HVCN1: variants seen among roughly 807,000 people sequenced by gnomAD.
HVCN1 encodes hydrogen voltage gated channel 1.
A neutral mutation model predicts 29.2 loss-of-function variants in HVCN1; 14 were observed. That is an observed-to-expected ratio of 0.48 (90% CI 0.32 to 0.75). The LOEUF is 0.75. Ranked by LOEUF, HVCN1 falls within the 30% of genes least tolerant of loss-of-function variation. HVCN1 has a pLI of 0.04. For missense variants in HVCN1, 263 were observed against 341.8 expected, an observed-to-expected ratio of 0.77 and a Z score of 1.82; for synonymous variants, 131 against 133.2, an observed-to-expected ratio of 0.98 and a Z score of 0.11.
In HVCN1 at chr12:110,676,507, A is replaced by G. The variant is rs1221991154; in HGVS notation, c.21+6718T>C. 6.6e-6 allele frequency among the ~76,000 whole-genome samples: 1 copy of G among 152,146 alleles called. No homozygotes were observed. Among genetic ancestry groups the G allele is most frequent in the African/African-American group, 2.4e-5 (1 of 41,426 alleles). Reference sequence around the variant, plus strand: ...TGCCTAGACTGCTTGTGGAAACAGCATGGTTTATGCTGAACTCCTACTTTC... The same window carrying G: ...TGCCTAGACTGCTTGTGGAAACAGCGTGGTTTATGCTGAACTCCTACTTTC... On this transcript the variant is annotated intron_variant, in intron 3 of 7. Transcript: ENST00000242607. The surrounding 1 kb of genome is among the most constrained non-coding windows in gnomAD (Gnocchi z 4.1).
At chr12:110,683,033 T>C in intron 3 of HVCN1, 192 bp downstream of exon 3, 1 of 698,754 alleles carries the variant, frequency 1.4e-6, no homozygotes, top group Non-Finnish European at 2.5e-6. Context: ...AATGGTCTGA[T>C]GTGGAATATC....
At chr12:110,666,791 C>T (rs1181457554) in intron 3 of HVCN1, among the ~76,000 whole-genome samples, 1 of 152,204 alleles carries the variant, frequency 6.6e-6, no homozygotes, top group Non-Finnish European at 1.5e-5. Context: ...GAGGCCCTCC[C>T]TCACCCCTAA....
chr12:110,692,648 C>T (rs890244371), upstream of HVCN1, among the ~76,000 whole-genome samples: 2 of 152,070 alleles, frequency 1.3e-5, no homozygotes, highest in African/African-American at 4.8e-5. Flanking sequence ...CCCTTGAGCC[C>T]AGGAGTTCGA....
intron 3 of HVCN1, among the ~76,000 whole-genome samples, chr12:110,681,349 T>C (rs1291587765): frequency 6.6e-6 from 1 of 152,214 alleles, no homozygotes; most frequent in Non-Finnish European, 1.5e-5. Context: ...CAGGCTTGAA[T>C]ATGGATATTT....
At chr12:110,695,580 A>AATG (rs2069477172) in intron 2 of HVCN1, among the ~76,000 whole-genome samples, 1 of 152,076 alleles carries the variant, frequency 6.6e-6, no homozygotes, top group East Asian at 1.9e-4. Flanking sequence ...ATTGCAAAGG[A>AATG]ATGAGCTGGG....
chr12:110,654,699 C>A (rs569281865), intron 5 of HVCN1, among the ~76,000 whole-genome samples: 2 of 152,160 alleles, frequency 1.3e-5, no homozygotes, highest in Admixed American at 1.3e-4. Context: ...AGGCTGGTCT[C>A]GAACTCCTGA....
At position 110,676,381 on chromosome 12, in the gene HVCN1, G is replaced by A. The variant is rs1419773184; in HGVS notation, c.21+6844C>T. Among the ~76,000 whole-genome samples, 1 of 152,200 alleles carries A rather than the reference G, an allele frequency of 6.6e-6. No homozygotes were observed. Among genetic ancestry groups the A allele is most frequent in the Non-Finnish European group, 1.5e-5 (1 of 68,042 alleles). ...AGAAAAGGGCCAGCCCAGCGGTCCC[G>A]AGGCTGCCTTCCTCAGACAGGCCTG... is the stretch of plus-strand genomic sequence containing the variant. On this transcript the variant is annotated intron_variant, in intron 3 of 7. Transcript: ENST00000242607. The surrounding 1 kb of genome is among the most constrained non-coding windows in gnomAD (Gnocchi z 4.1).
intron 3 of HVCN1, among the ~76,000 whole-genome samples, chr12:110,667,185 A>G (rs1367377977): frequency 6.6e-6 from 1 of 152,174 alleles, no homozygotes; most frequent in African/African-American, 2.4e-5. Context: ...CCCATGCTGG[A>G]GTGCAGTGGC....
In HVCN1 at chr12:110,689,016, G is replaced by C. The variant is rs1419028380; in HGVS notation, c.-104+64C>G. 6.6e-6 allele frequency: 1 copy of C among 152,452 alleles called. No individual in the cohort carries two copies. The highest frequency in any genetic ancestry group is 1.5e-5 in the Non-Finnish European group (1 of 68,236). 9.4% of individuals were successfully genotyped at this position (152,452 alleles called of 1,614,324 possible). A position where few individuals can be genotyped will look rare whatever the true frequency, so the allele number is the denominator to read the frequency against. ...CTCTTCTCGGAAGGATCGGGCACTG[G>C]GGGTCTTGTAGAAAGGGCTGCACGC... On this transcript the variant is annotated intron_variant, in intron 1 of 7. Transcript: ENST00000242607. This position sits in a 1 kb window ranked among gnomAD's most constrained non-coding sequence, Gnocchi z 5.7.
chr12:110,675,458 C>A (rs2068720423), intron 3 of HVCN1, among the ~76,000 whole-genome samples: 1 of 152,000 alleles, frequency 6.6e-6, no homozygotes, highest in Admixed American at 6.6e-5. Flanking sequence ...GACTCCATCT[C>A]AAAAGAAACA....
At chr12:110,677,390 C>G (rs986272814) in intron 3 of HVCN1, among the ~76,000 whole-genome samples, 2 of 152,130 alleles carry the variant, frequency 1.3e-5, no homozygotes, top group Admixed American at 6.6e-5. Context: ...ACTTCTTTTG[C>G]GTAGAATGTG....
chr12:110,700,913 G>A (rs2069557455), intron 2 of HVCN1, among the ~76,000 whole-genome samples: 1 of 152,234 alleles, frequency 6.6e-6, no homozygotes, highest in African/African-American at 2.4e-5. Flanking sequence ...AACCAGGCTA[G>A]TGGGGCTCAA....
intron 2 of HVCN1, among the ~76,000 whole-genome samples, chr12:110,685,241 A>T (rs1393741500): frequency 6.6e-6 from 1 of 152,178 alleles, no homozygotes; most frequent in Non-Finnish European, 1.5e-5. Context: ...AGTCAGAAAG[A>T]TCTGAAGATT....
chr12:110,697,402 A>C (rs1385132163), intron 2 of HVCN1, among the ~76,000 whole-genome samples: 2 of 152,158 alleles, frequency 1.3e-5, no homozygotes, highest in Admixed American at 1.3e-4. Context: ...GGGATCCTGG[A>C]AACCAAAAGA....
At position 110,661,361 on chromosome 12, in the gene HVCN1, C is replaced by T. The variant is rs149490522; in HGVS notation, c.109G>A (p.Ala37Thr). The change falls in exon 4 of 8, where the codon GCC becomes ACC. Residue 37 changes from alanine (A) to threonine (T), a missense_variant. Physicochemically the swap from Ala to Thr is moderately conservative, Grantham distance 58. Transcript: ENST00000242607. This position sits in a 1 kb window ranked among gnomAD's most constrained non-coding sequence, Gnocchi z 6.2. ...HFTVVGDDYH[A>T]WNINYKKWEN... ...CATTTCTTGTAGTTGATGTTCCAGGCATGGTAGTCGTCTCCCACGACCGTG... is the reference window on the plus strand; with the variant it reads ...CATTTCTTGTAGTTGATGTTCCAGGTATGGTAGTCGTCTCCCACGACCGTG... The T allele has an allele frequency of 2.5e-4, 400 of 1,614,222 alleles. 2 individuals are homozygous for T. In the African/African-American group the frequency reaches 5.0e-3, roughly 20 times the overall value.
At chr12:110,666,730 G>T (rs758710333) in intron 3 of HVCN1, among the ~76,000 whole-genome samples, 6 of 152,108 alleles carry the variant, frequency 3.9e-5, no homozygotes, top group Admixed American at 3.9e-4. Flanking sequence ...TCCGAGCTTC[G>T]CTTACTCTTG....
rs547556177 is a variant in HVCN1, at chr12:110,658,425, C to T, written c.306+2739G>A. Among the ~76,000 whole-genome samples the T allele has an allele frequency of 2.6e-5, 4 of 152,120 alleles. No homozygotes were observed. Among genetic ancestry groups the T allele is most frequent in the South Asian group, 2.1e-4 (1 of 4,822 alleles). ...GAGCTTTCAAAGGCAGCCCATGACC[C>T]GTGGATGACCTTCCCTGGCCTCTTC... On this transcript the variant is annotated intron_variant, in intron 4 of 7. Transcript: ENST00000242607. The surrounding 1 kb of genome is among the most constrained non-coding windows in gnomAD (Gnocchi z 5.0).
chr12:110,657,843 C>T (rs1404598292), intron 4 of HVCN1, among the ~76,000 whole-genome samples: 2 of 152,174 alleles, frequency 1.3e-5, no homozygotes, highest in African/African-American at 2.4e-5. Context: ...ATTCTAAATC[C>T]TCACCCTGGC....
In HVCN1 at chr12:110,650,292, T is replaced by C. The variant is rs759490546; in HGVS notation, c.644-12A>G. On this transcript the variant is annotated splice_polypyrimidine_tract_variant and intron_variant, in intron 6 of 7. Transcript: ENST00000242607. Reference sequence around the variant, plus strand: ...TGAGATGATAATCCCTGAAATAAAATTGGGGGTCTCAGTGATACTGGTTTC... The same window carrying C: ...TGAGATGATAATCCCTGAAATAAAACTGGGGGTCTCAGTGATACTGGTTTC... The C allele has an allele frequency of 2.5e-5, 39 of 1,550,246 alleles. No homozygotes were observed. Among genetic ancestry groups the C allele is most frequent in the Non-Finnish European group, 3.4e-5 (38 of 1,122,576 alleles).
Sources: allele counts gnomAD v4.1 joint callset (sites outside exome capture counted in the v4.1 genomes callset), GRCh38; gene constraint gnomAD v4.1.1; non-coding constraint Gnocchi (gnomAD v3.1); transcripts MANE v1.5; gene names NCBI Gene and HGNC (gene_info 2026-07-23, HGNC 2026-07-21).